The following MAPK10 variants were observed in gnomAD, a reference collection of about 807,000 sequenced individuals.
The protein encoded by MAPK10 is JNK3 alpha protein kinase.
A neutral mutation model predicts 59.3 loss-of-function variants in MAPK10; 25 were observed. That is an observed-to-expected ratio of 0.42 (90% CI 0.31 to 0.59). MAPK10 has a LOEUF of 0.59. Ranked by LOEUF, MAPK10 falls within the 20% of genes least tolerant of loss-of-function variation. The probability of loss-of-function intolerance (pLI) is 0.15; values close to 1 mark genes in which losing one functional copy is unlikely to be tolerated. For synonymous variants in MAPK10, 190 were observed against 200.5 expected (o/e 0.95, Z 0.44); for missense variants, 351 against 568.9 (o/e 0.62, Z 3.90).
At chr4:86,547,397 CG>C (rs1759303052) in intron 1 of MAPK10, among the ~76,000 whole-genome samples, 2 of 152,208 alleles carry the variant, frequency 1.3e-5, no homozygotes, top group Non-Finnish European at 2.9e-5. Flanking sequence ...TCCCAGCAGT[CG>C]GCCGGCCCCA....
At chr4:86,572,388 A>T (rs1266049676) in intron 1 of MAPK10, among the ~76,000 whole-genome samples, 1 of 152,198 alleles carries the variant, frequency 6.6e-6, no homozygotes, top group Non-Finnish European at 1.5e-5. Context: ...TCAAGAGGTT[A>T]TCAGTATTTA....
chr4:86,451,418 A>G (rs930196115), intron 1 of MAPK10, among the ~76,000 whole-genome samples: 10 of 152,214 alleles, frequency 6.6e-5, no homozygotes, highest in African/African-American at 2.4e-4. Context: ...GCATGGTAAT[A>G]ACATGAAGAA....
chr4:86,584,350 T>G (rs527787892), intron 1 of MAPK10, among the ~76,000 whole-genome samples: 3 of 152,194 alleles, frequency 2.0e-5, no homozygotes, highest in African/African-American at 7.2e-5. Context: ...ATTAAACTTT[T>G]AGGAGGTCTA....
chr4:86,204,531 C>G (rs1332093920), intron 2 of MAPK10, among the ~76,000 whole-genome samples: 1 of 151,762 alleles, frequency 6.6e-6, no homozygotes, highest in Non-Finnish European at 1.5e-5. Context: ...TATAATGATC[C>G]AGTAATATGG....
chr4:86,277,832 C>A (rs1017308692), intron 2 of MAPK10, among the ~76,000 whole-genome samples: 1 of 151,996 alleles, frequency 6.6e-6, no homozygotes, highest in African/African-American at 2.4e-5. Flanking sequence ...AAACGGTTTA[C>A]CAAACATTAA....
intron 2 of MAPK10, among the ~76,000 whole-genome samples, chr4:86,282,336 T>C (rs72865386): frequency 0.01 from 1,532 of 152,330 alleles, 22 homozygotes; most frequent in African/African-American, 0.034. Context: ...TGGAGACTTA[T>C]ACCATTGTTA....
chr4:86,433,417 G>A, intron 1 of MAPK10, among the ~76,000 whole-genome samples: 1 of 151,964 alleles, frequency 6.6e-6, no homozygotes, highest in East Asian at 1.9e-4. Flanking sequence ...CAACTTTTTG[G>A]TGCAATTAAT....
chr4:86,322,176 C>T (rs1007562314), intron 2 of MAPK10: 1 of 152,148 alleles, frequency 6.6e-6, no homozygotes, highest in Non-Finnish European at 1.5e-5. Flanking sequence ...TGTTTTGTGT[C>T]ATGAGAAACT....
intron 2 of MAPK10, among the ~76,000 whole-genome samples, chr4:86,246,525 C>G (rs2093101401): frequency 6.6e-6 from 1 of 152,098 alleles, no homozygotes; most frequent in Admixed American, 6.5e-5. Flanking sequence ...GAATGTATTC[C>G]CTGCTGTTGC....
intron 3 of MAPK10, among the ~76,000 whole-genome samples, chr4:86,163,511 G>A (rs190191448): frequency 6.6e-6 from 1 of 152,026 alleles, no homozygotes; most frequent in African/African-American, 2.4e-5. Context: ...CATAGAACAA[G>A]ACAGCAGATT....
chr4:86,395,670 G>C (rs1001635587), intron 1 of MAPK10, among the ~76,000 whole-genome samples: 1 of 152,164 alleles, frequency 6.6e-6, no homozygotes, highest in African/African-American at 2.4e-5. Context: ...GCTTAAAGGA[G>C]AGATATTCAT....
At chr4:86,565,969 C>G (rs771266707) in intron 1 of MAPK10, among the ~76,000 whole-genome samples, 1 of 152,178 alleles carries the variant, frequency 6.6e-6, no homozygotes. Flanking sequence ...CCCCAAGTCT[C>G]TTGTAACTTC....
intron 2 of MAPK10, among the ~76,000 whole-genome samples, chr4:86,272,785 G>C (rs564251858): frequency 2.0e-5 from 3 of 152,008 alleles, no homozygotes; most frequent in Non-Finnish European, 4.4e-5. Flanking sequence ...GAGATTTGCT[G>C]GTAGCCCAAG....
intron 4 of MAPK10, among the ~76,000 whole-genome samples, chr4:86,129,364 T>C (rs1361529077): frequency 1.3e-5 from 2 of 152,168 alleles, no homozygotes; most frequent in Non-Finnish European, 2.9e-5. Context: ...AAAATTATTT[T>C]TGATAAGACC....
chr4:86,098,394 CT>C, intron 9 of MAPK10, 129 bp downstream of exon 9: 2 of 1,383,860 alleles, frequency 1.4e-6, no homozygotes, highest in South Asian at 1.5e-5. Flanking sequence ...GAAATTATCA[CT>C]TTTTTATTAC....
chr4:86,120,366 A>G (rs1023496777), intron 4 of MAPK10: 2 of 152,220 alleles, frequency 1.3e-5, no homozygotes, highest in African/African-American at 4.8e-5. Flanking sequence ...AACACTAGAA[A>G]CTGAACTAGT....
At chr4:86,215,988 G>T (rs2087431307) in intron 2 of MAPK10, among the ~76,000 whole-genome samples, 1 of 152,056 alleles carries the variant, frequency 6.6e-6, no homozygotes, top group Non-Finnish European at 1.5e-5. Flanking sequence ...TGAGAATGTG[G>T]AGAGATATGA....
chr4:86,334,217 C>T (rs1435252730), intron 2 of MAPK10, among the ~76,000 whole-genome samples: 2 of 152,160 alleles, frequency 1.3e-5, no homozygotes, highest in Non-Finnish European at 2.9e-5. Flanking sequence ...AAGAATCATG[C>T]CTGACTGTCA....
rs1191710671 is a variant in MAPK10, at chr4:86,010,770, C to A, written c.*6458G>T. On this transcript the variant is annotated 3_prime_UTR_variant, in exon 14 of 14. Transcript: ENST00000641462. ...CAATATTTTCACCAGGATGGGTTCA[C>A]AAGTGTTAATGGAAGGCGAATTATG... 1 of 152,154 alleles carries A rather than the reference C, an allele frequency of 6.6e-6. No homozygotes were observed. Among genetic ancestry groups the A allele is most frequent in the East Asian group, 1.9e-4 (1 of 5,194 alleles). The allele number at this position is 152,154 out of a possible 1,614,324, so 9.4% of individuals were successfully genotyped here.
Sources: allele counts gnomAD v4.1 joint callset (sites outside exome capture counted in the v4.1 genomes callset), GRCh38; gene constraint gnomAD v4.1.1; transcripts MANE v1.5; gene names NCBI Gene and HGNC (gene_info 2026-07-23, HGNC 2026-07-21).